PLXDC2: variants seen among roughly 807,000 people sequenced by gnomAD.
The protein encoded by PLXDC2 is plexin domain containing 2, also known as plexin domain-containing protein 2.
In PLXDC2, 40 loss-of-function variants were observed where a neutral mutation model predicts 68.9. The observed-to-expected ratio is 0.58, with a 90% CI of 0.45 to 0.76. The LOEUF (loss-of-function observed/expected upper bound fraction) is 0.76. Among genes scored for constraint, PLXDC2 ranks in the 30% least tolerant of loss-of-function variants. The probability of loss-of-function intolerance (pLI) is 0.00; values close to 1 mark genes in which losing one functional copy is unlikely to be tolerated. For synonymous variants in PLXDC2, 243 were observed against 234.2 expected (o/e 1.04, Z -0.34); for missense variants, 644 against 661.9 (o/e 0.97, Z 0.30).
At chr10:20,110,213 G>A (rs146568767) in intron 4 of PLXDC2, among the ~76,000 whole-genome samples, 1 of 152,246 alleles carries the variant, frequency 6.6e-6, no homozygotes, top group East Asian at 1.9e-4. Flanking sequence ...TCCAGAAAAG[G>A]GAAGCAGAGA....
At chr10:20,102,820 T>A (rs1833440282) in intron 4 of PLXDC2, among the ~76,000 whole-genome samples, 1 of 152,076 alleles carries the variant, frequency 6.6e-6, no homozygotes. Context: ...GGAGGTATAA[T>A]TTTAGGAGTT....
rs1389351267 is a variant in PLXDC2, at chr10:20,284,696, A to G, written c.*4877A>G. Reference sequence around the variant, plus strand: ...ATAGTAATAGTCCCAGTGTCAGTAAACTGGGTCTTGAACTTAAATGTTTGT... The same window carrying G: ...ATAGTAATAGTCCCAGTGTCAGTAAGCTGGGTCTTGAACTTAAATGTTTGT... On this transcript the variant is annotated 3_prime_UTR_variant, in exon 14 of 14. Transcript: ENST00000377252. 2.0e-5 allele frequency: 3 copies of G among 152,078 alleles called. No individual in the cohort carries two copies. Among genetic ancestry groups the G allele is most frequent in the Non-Finnish European group, 2.9e-5 (2 of 68,012 alleles). The allele number at this position is 152,078 out of a possible 1,614,324, so 9.4% of individuals were successfully genotyped here.
intron 1 of PLXDC2, among the ~76,000 whole-genome samples, chr10:19,908,340 T>C (rs1286395203): frequency 1.3e-5 from 2 of 152,190 alleles, no homozygotes; most frequent in Non-Finnish European, 2.9e-5. Flanking sequence ...TTTCTCTACA[T>C]TGAGTGAGTT....
At chr10:19,892,209 T>C (rs1280255345) in intron 1 of PLXDC2, among the ~76,000 whole-genome samples, 1 of 152,232 alleles carries the variant, frequency 6.6e-6, no homozygotes, top group East Asian at 1.9e-4. Flanking sequence ...CCAGCCACTG[T>C]CTAAGGGCTC....
intron 1 of PLXDC2, among the ~76,000 whole-genome samples, chr10:19,874,935 T>C (rs1039091905): frequency 6.6e-6 from 1 of 152,154 alleles, no homozygotes; most frequent in Non-Finnish European, 1.5e-5. Context: ...GGCTAAGGAA[T>C]GTAACCTACT....
intron 10 of PLXDC2, among the ~76,000 whole-genome samples, chr10:20,215,829 A>G (rs1303730916): frequency 6.6e-6 from 1 of 152,210 alleles, no homozygotes; most frequent in East Asian, 1.9e-4. Flanking sequence ...AAGGAAATGG[A>G]AGGTGAACCC....
chr10:19,911,336 C>T (rs765865089), intron 1 of PLXDC2, among the ~76,000 whole-genome samples: 10 of 152,022 alleles, frequency 6.6e-5, no homozygotes, highest in Non-Finnish European at 1.2e-4. Context: ...TATATTTTAC[C>T]TACACATAAC....
rs141003123 is a variant in PLXDC2 at position 20,279,746 on chromosome 10, C to G, written c.1517C>G (p.Ser506Cys). ...CCTGCGATGAAGTTTAGAAGAGGCTCTGGACATCCTGCCTATGCTGAAGTT... is the reference window on the plus strand; with the variant it reads ...CCTGCGATGAAGTTTAGAAGAGGCTGTGGACATCCTGCCTATGCTGAAGTT... ...RWPAMKFRRG[S>C]GHPAYAEVEP... The change falls in exon 14 of 14, where the codon TCT becomes TGT. Residue 506 changes from serine to cysteine, a missense_variant. Coordinates refer to ENST00000377252, the MANE Select transcript of PLXDC2 (RefSeq NM_032812.9). 5.6e-6 allele frequency: 9 copies of G among 1,613,942 alleles called. No individual in the cohort carries two copies. The highest frequency in any genetic ancestry group is 2.2e-5 in the East Asian group (1 of 44,868).
At chr10:20,004,536 A>G (rs1299418141) in intron 2 of PLXDC2, among the ~76,000 whole-genome samples, 1 of 152,190 alleles carries the variant, frequency 6.6e-6, no homozygotes, top group Non-Finnish European at 1.5e-5. Context: ...CTCGATGGAT[A>G]TTGAAAGGGA....
intron 3 of PLXDC2, among the ~76,000 whole-genome samples, chr10:20,060,190 C>G (rs1052674867): frequency 6.6e-6 from 1 of 151,910 alleles, no homozygotes; most frequent in African/African-American, 2.4e-5. Flanking sequence ...ACATGCCTGG[C>G]TAATTCTTTT....
chr10:19,993,065 T>A (rs1834777289), intron 1 of PLXDC2, among the ~76,000 whole-genome samples: 1 of 152,162 alleles, frequency 6.6e-6, no homozygotes, highest in Non-Finnish European at 1.5e-5. Context: ...ATCTGTAAAA[T>A]GGGATAATAA....
chr10:19,900,777 C>T (rs1838145290), intron 1 of PLXDC2, among the ~76,000 whole-genome samples: 1 of 151,686 alleles, frequency 6.6e-6, no homozygotes, highest in South Asian at 2.1e-4. Context: ...TGCCCAGAGC[C>T]CCCAAAGTCC....
chr10:20,048,577 A>G (rs1439402254), intron 3 of PLXDC2, among the ~76,000 whole-genome samples: 1 of 152,116 alleles, frequency 6.6e-6, no homozygotes, highest in Non-Finnish European at 1.5e-5. Context: ...CATAAAATAT[A>G]CTTCGTGGAA....
rs1251208308 is a variant in PLXDC2, at chr10:20,283,082, A to G, written c.*3263A>G. ...GTGGTTGAAGAAAATTTTAATGGAC[A>G]ATGCTGTGTTTCATTTGAATTCGTT... On this transcript the variant is annotated 3_prime_UTR_variant, in exon 14 of 14. Coordinates refer to ENST00000377252, the MANE Select transcript of PLXDC2 (RefSeq NM_032812.9). 6.6e-6 allele frequency: 1 copy of G among 152,176 alleles called. No homozygotes were observed. Among genetic ancestry groups the G allele is most frequent in the Non-Finnish European group, 1.5e-5 (1 of 68,026 alleles). The allele number at this position is 152,176 out of a possible 1,614,324, so 9.4% of individuals were successfully genotyped here.
intron 4 of PLXDC2, among the ~76,000 whole-genome samples, chr10:20,081,335 A>C (rs1367754168): frequency 1.3e-5 from 2 of 152,318 alleles, no homozygotes; most frequent in South Asian, 2.1e-4. Flanking sequence ...GACACCCTTA[A>C]GAGAGTCACA....
chr10:19,846,161 G>T (rs1198704010), intron 1 of PLXDC2, among the ~76,000 whole-genome samples: 1 of 152,144 alleles, frequency 6.6e-6, no homozygotes, highest in Non-Finnish European at 1.5e-5. Flanking sequence ...GTGTAGTCAT[G>T]GCAACCACCC....
intron 5 of PLXDC2, among the ~76,000 whole-genome samples, chr10:20,146,305 G>C (rs1834076301): frequency 2.1e-5 from 1 of 47,980 alleles, no homozygotes; most frequent in African/African-American, 5.8e-5. Context: ...GTCTTCTTTT[G>C]CTCTATTTTT....
intron 1 of PLXDC2, among the ~76,000 whole-genome samples, chr10:19,850,569 G>A (rs1000577114): frequency 2.3e-4 from 35 of 152,174 alleles, no homozygotes; most frequent in Admixed American, 9.2e-4. Context: ...CCAACTAATC[G>A]TCTAATTGGT....
At chr10:19,900,850 A>G (rs543603575) in intron 1 of PLXDC2, among the ~76,000 whole-genome samples, 1 of 151,810 alleles carries the variant, frequency 6.6e-6, no homozygotes, top group Non-Finnish European at 1.5e-5. Flanking sequence ...GTGGGAGCCT[A>G]CGGTGTTTGG....
Sources: gnomAD v4.1 joint callset for allele counts (sites outside exome capture counted in the v4.1 genomes callset) on GRCh38, gnomAD v4.1.1 for gene constraint, MANE v1.5 for transcripts, NCBI Gene and HGNC (gene_info 2026-07-23, HGNC 2026-07-21) for gene names.